RAB31: variants seen among roughly 807,000 people sequenced by gnomAD.
RAB31 encodes the protein RAB31, member RAS oncogene family.
Under a neutral mutation model 25.6 loss-of-function variants are expected in RAB31, and 21 were observed. The ratio of observed to expected loss-of-function variants is 0.82; its 90% confidence interval spans 0.58 to 1.18. RAB31 has a LOEUF of 1.18. Among genes scored for constraint, RAB31 ranks in the 50% most tolerant of loss-of-function variants. RAB31 has a pLI of 0.00. For missense variants in RAB31, 196 were observed against 250.1 expected (o/e 0.78, Z 1.46); for synonymous variants, 87 against 84.0 (o/e 1.04, Z -0.20).
chr18:9,775,429 C>G, intron 2 of RAB31, 72 bp downstream of exon 2: 1 of 1,595,556 alleles, frequency 6.3e-7, no homozygotes, highest in Non-Finnish European at 8.5e-7. Context: ...TCTGTCTGTG[C>G]CTGAGCCTTC....
chr18:9,729,412 A>G lies in RAB31; in HGVS notation c.39+20968A>G, dbSNP rs184130791. The stretch of plus-strand genomic sequence containing the variant: ...CGTGGTGGTGGGCACCTGTAGTCCC[A>G]GCTACTCAGGAGACTGAGGCAGGAG... On this transcript the variant is annotated intron_variant, in intron 1 of 6. Coordinates refer to ENST00000578921, the MANE Select transcript of RAB31 (RefSeq NM_006868.4). 5.9e-3 allele frequency among the ~76,000 whole-genome samples: 896 copies of G among 152,096 alleles called. 13 individuals are homozygous for G. Among genetic ancestry groups the G allele is most frequent in the Non-Finnish European group, 6.0e-3 (407 of 68,000 alleles).
At chr18:9,826,248 C>T (rs9955723) in intron 5 of RAB31, among the ~76,000 whole-genome samples, 63,658 of 151,714 alleles carry the variant, frequency 0.42, 13,846 homozygotes, top group East Asian at 0.77. Context: ...TGGTGGCACA[C>T]GCCTGTAATC....
rs569673747 is a variant in RAB31 at position 9,807,075 on chromosome 18, C to T, written c.202-6945C>T. On this transcript the variant is annotated intron_variant, in intron 3 of 6. Transcript: ENST00000578921. Reference sequence around the variant, plus strand: ...CAGTCAAGGCAAGACGAACTTTGCTCGGACAGGAGGGAGGTGCGGCTGCGT... The same window carrying T: ...CAGTCAAGGCAAGACGAACTTTGCTTGGACAGGAGGGAGGTGCGGCTGCGT... 7.9e-5 allele frequency among the ~76,000 whole-genome samples: 12 copies of T among 152,252 alleles called. No homozygotes were observed. In the East Asian group the frequency reaches 1.5e-3, roughly 20 times the overall value.
intron 3 of RAB31, among the ~76,000 whole-genome samples, chr18:9,801,047 G>T (rs2068511685): frequency 1.3e-5 from 2 of 152,168 alleles, no homozygotes; most frequent in Admixed American, 1.3e-4. Context: ...CACACAAATG[G>T]AATCATACAA....
chr18:9,846,841 A>T (rs2068764451), intron 6 of RAB31, among the ~76,000 whole-genome samples: 1 of 152,228 alleles, frequency 6.6e-6, no homozygotes, highest in South Asian at 2.1e-4. Context: ...TCTTACCTAC[A>T]CTATGCAGAG....
At chr18:9,783,469 G>A (rs1178514180) in intron 2 of RAB31, among the ~76,000 whole-genome samples, 1 of 152,146 alleles carries the variant, frequency 6.6e-6, no homozygotes, top group East Asian at 1.9e-4. Flanking sequence ...ACCCTGAGGA[G>A]AACTTTTTAA....
chr18:9,814,168 A>T (rs1005443156), intron 4 of RAB31, 77 bp downstream of exon 4: 12 of 1,089,948 alleles, frequency 1.1e-5, no homozygotes, highest in African/African-American at 6.2e-5. Context: ...CAGAGACGTC[A>T]CTGCTTGCAT....
chr18:9,764,413 G>A (rs1245788355), intron 1 of RAB31, among the ~76,000 whole-genome samples: 1 of 152,190 alleles, frequency 6.6e-6, no homozygotes, highest in Admixed American at 6.5e-5. Flanking sequence ...GGTGAACAGT[G>A]CACTGGATAT....
chr18:9,781,099 A>G (rs2068401722), intron 2 of RAB31, among the ~76,000 whole-genome samples: 1 of 152,194 alleles, frequency 6.6e-6, no homozygotes. Context: ...AAGGCTCTCA[A>G]TGGATATTAC....
rs573385064 is a variant in RAB31, at chr18:9,767,164, G to A, written c.40-8114G>A. On this transcript the variant is annotated intron_variant, in intron 1 of 6. Coordinates refer to ENST00000578921, the MANE Select transcript of RAB31 (RefSeq NM_006868.4). ...GGATGTCATGCACAGAGTCAGTTTT[G>A]TAGTGTACATTATAGGCAAATCATA... Among the ~76,000 whole-genome samples the A allele has an allele frequency of 2.1e-4, 32 of 152,352 alleles. No individual in the cohort carries two copies. In the East Asian group the frequency reaches 6.2e-3, roughly 29 times the overall value.
At chr18:9,845,546 C>T in intron 5 of RAB31, 36 bp from the exon 6 acceptor site, 1 of 1,481,818 alleles carries the variant, frequency 6.7e-7, no homozygotes. Context: ...TACAAACAAA[C>T]ATTCATTTCC....
At chr18:9,858,215 C>T (rs1163487119) in intron 6 of RAB31, among the ~76,000 whole-genome samples, 2 of 152,126 alleles carry the variant, frequency 1.3e-5, no homozygotes, top group Non-Finnish European at 2.9e-5. Flanking sequence ...TTGATGGGAC[C>T]TTCAGCAAAG....
At chr18:9,738,312 C>T (rs150759273) in intron 1 of RAB31, among the ~76,000 whole-genome samples, 1 of 152,268 alleles carries the variant, frequency 6.6e-6, no homozygotes, top group East Asian at 1.9e-4. Flanking sequence ...TGGCAGCCCC[C>T]AGGTAGCTTT....
intron 1 of RAB31, among the ~76,000 whole-genome samples, chr18:9,720,674 CTTT>C (rs796200232): frequency 3.0e-5 from 4 of 134,052 alleles, no homozygotes; most frequent in Admixed American, 1.5e-4. Context: ...GTAATTTTCT[CTTT>C]TTTTTTTTTT....
At chr18:9,747,586 C>G (rs2145476452) in intron 1 of RAB31, among the ~76,000 whole-genome samples, 1 of 152,280 alleles carries the variant, frequency 6.6e-6, no homozygotes, top group Non-Finnish European at 1.5e-5. Context: ...AAACATTATA[C>G]TAAATGAGAG....
chr18:9,724,390 A>G (rs1264480365), intron 1 of RAB31, among the ~76,000 whole-genome samples: 1 of 151,908 alleles, frequency 6.6e-6, no homozygotes, highest in East Asian at 1.9e-4. Flanking sequence ...CTTCATTTGC[A>G]TCAGCGCTTT....
intron 1 of RAB31, among the ~76,000 whole-genome samples, chr18:9,737,451 T>C (rs1287507797): frequency 6.6e-6 from 1 of 152,232 alleles, no homozygotes; most frequent in Non-Finnish European, 1.5e-5. Flanking sequence ...TAATAGAGCA[T>C]CTGCAATTCA....
At chr18:9,771,855 A>T (rs757151492) in intron 1 of RAB31, among the ~76,000 whole-genome samples, 4 of 152,232 alleles carry the variant, frequency 2.6e-5, no homozygotes, top group Non-Finnish European at 4.4e-5. Context: ...TCAAGTGTGT[A>T]AGAATGTACA....
At position 9,860,057 on chromosome 18, in the gene RAB31, C is replaced by T. The variant is rs2068839493; in HGVS notation, c.*732C>T. The T allele has an allele frequency of 6.6e-6, 1 of 152,132 alleles. No homozygotes were observed. Among genetic ancestry groups the T allele is most frequent in the Non-Finnish European group, 1.5e-5 (1 of 68,030 alleles). The allele number at this position is 152,132 out of a possible 1,614,324, so 9.4% of individuals were successfully genotyped here. On this transcript the variant is annotated 3_prime_UTR_variant, in exon 7 of 7. Coordinates refer to ENST00000578921, the MANE Select transcript of RAB31 (RefSeq NM_006868.4). Reference sequence around the variant, plus strand: ...TTTGAAAGAGTGATTTAAGTAATCACTATGTAAGTGGTGAGAGATGCAGGA... The same window carrying T: ...TTTGAAAGAGTGATTTAAGTAATCATTATGTAAGTGGTGAGAGATGCAGGA...
Sources: allele counts gnomAD v4.1 joint callset (sites outside exome capture counted in the v4.1 genomes callset), GRCh38; gene constraint gnomAD v4.1.1; transcripts MANE v1.5; gene names NCBI Gene and HGNC (gene_info 2026-07-23, HGNC 2026-07-21).